The following DRC8 variants were observed in gnomAD, a reference collection of about 807,000 sequenced individuals.
The protein encoded by DRC8 is dynein regulatory complex protein 8.
At chr1:244,970,693 T>TCTCCCCTCG in the DRC8 span, 1 of 368,024 alleles carries the variant, frequency 2.7e-6, no homozygotes, top group Non-Finnish European at 4.4e-6. Flanking sequence ...CTCTCCCCTC[T>TCTCCCCTCG]TCCCTCCCTC....
At chr1:245,003,498 C>A in the DRC8 span, among the ~76,000 whole-genome samples, 1 of 152,224 alleles carries the variant, frequency 6.6e-6, no homozygotes, top group Admixed American at 6.5e-5. Context: ...GGCTCCAGGT[C>A]AGTGCTCTTA....
At chr1:245,111,539 T>G in the DRC8 span, among the ~76,000 whole-genome samples, 1 of 152,244 alleles carries the variant, frequency 6.6e-6, no homozygotes, top group Non-Finnish European at 1.5e-5. Context: ...AGATTTTGGC[T>G]TCTTTGTTTC....
the DRC8 span, among the ~76,000 whole-genome samples, chr1:245,069,674 A>G: frequency 6.6e-6 from 1 of 152,190 alleles, no homozygotes; most frequent in Non-Finnish European, 1.5e-5. Context: ...CAGTTTTGCA[A>G]GATGAAGACG....
the DRC8 span, among the ~76,000 whole-genome samples, chr1:244,976,857 T>G: frequency 6.6e-6 from 1 of 152,196 alleles, no homozygotes; most frequent in African/African-American, 2.4e-5. Context: ...CATAGCACAT[T>G]GTTCACAGTA....
chr1:245,021,633 G>A, the DRC8 span, among the ~76,000 whole-genome samples: 1 of 151,992 alleles, frequency 6.6e-6, no homozygotes, highest in African/African-American at 2.4e-5. Context: ...ACAGGGTCTT[G>A]CTATGTTGCC....
chr1:245,088,177 T>C, the DRC8 span, among the ~76,000 whole-genome samples: 6 of 152,312 alleles, frequency 3.9e-5, no homozygotes, highest in African/African-American at 1.4e-4. The surrounding 1 kb of genome is among the most constrained non-coding windows in gnomAD (Gnocchi z 4.6). Flanking sequence ...ATATATGGCA[T>C]GGCCACTGCC....
the DRC8 span, among the ~76,000 whole-genome samples, chr1:245,014,693 G>C: frequency 6.6e-6 from 1 of 152,148 alleles, no homozygotes; most frequent in East Asian, 1.9e-4. Context: ...AGAAGAGCAG[G>C]ATTGTTCAAA....
At chr1:244,992,189 A>T in the DRC8 span, among the ~76,000 whole-genome samples, 1 of 152,240 alleles carries the variant, frequency 6.6e-6, no homozygotes, top group Admixed American at 6.5e-5. Flanking sequence ...AAGTATGAGA[A>T]GACAGAAAGC....
chr1:245,093,278 G>T, the DRC8 span, among the ~76,000 whole-genome samples: 1 of 152,170 alleles, frequency 6.6e-6, no homozygotes, highest in South Asian at 2.1e-4. Context: ...GCCTTAAGAG[G>T]TTTCTTTTTT....
chr1:245,065,073 C>CTTTTTTTTTTTTTTTTTTTT, the DRC8 span, among the ~76,000 whole-genome samples: 82 of 81,592 alleles, frequency 1.0e-3, 2 homozygotes, highest in Non-Finnish European at 1.1e-3. Context: ...TAACATTCTT[C>CTTTTTTTTTTTTTTTTTTTT]TTTTTTTTTT....
chr1:244,969,872 A>G, the DRC8 span: 1 of 420,032 alleles, frequency 2.4e-6, no homozygotes, highest in East Asian at 4.2e-5. Context: ...TCCCGGCGGG[A>G]GGCGGGCTGC....
the DRC8 span, among the ~76,000 whole-genome samples, chr1:245,008,208 G>A: frequency 5.9e-5 from 9 of 151,982 alleles, no homozygotes; most frequent in Admixed American, 6.6e-5. Flanking sequence ...CCTGAGCATG[G>A]AAAATAATAT....
chr1:245,000,336 A>G, the DRC8 span, among the ~76,000 whole-genome samples: 1 of 152,212 alleles, frequency 6.6e-6, no homozygotes, highest in African/African-American at 2.4e-5. Context: ...GTGCAACTTA[A>G]AACTTAAGAA....
the DRC8 span, among the ~76,000 whole-genome samples, chr1:245,110,012 T>C: frequency 1.3e-5 from 2 of 152,208 alleles, no homozygotes; most frequent in Non-Finnish European, 2.9e-5. Context: ...AAACCATAAG[T>C]CCCTCCCATT....
the DRC8 span, among the ~76,000 whole-genome samples, chr1:244,986,716 G>T: frequency 6.7e-6 from 1 of 148,760 alleles, no homozygotes; most frequent in Non-Finnish European, 1.5e-5. Flanking sequence ...CTGCACTCCA[G>T]CCTGGGTAAC....
the DRC8 span, among the ~76,000 whole-genome samples, chr1:245,001,053 A>T: frequency 2.7e-3 from 404 of 152,242 alleles, 3 homozygotes; most frequent in African/African-American, 9.2e-3. Flanking sequence ...GGAGGTGGAG[A>T]TGGTTTGAAC....
chr1:245,076,538 G>T, the DRC8 span, among the ~76,000 whole-genome samples: 1 of 151,976 alleles, frequency 6.6e-6, no homozygotes, highest in East Asian at 1.9e-4. Flanking sequence ...AAGTCAAGTG[G>T]ATTTTCCCAA....
the DRC8 span, among the ~76,000 whole-genome samples, chr1:244,973,462 C>A: frequency 1.3e-5 from 2 of 152,182 alleles, no homozygotes; most frequent in Non-Finnish European, 2.9e-5. Flanking sequence ...GAATTCAGAA[C>A]ATTTGAATTA....
the DRC8 span, among the ~76,000 whole-genome samples, chr1:245,009,053 T>TG: frequency 8.0e-6 from 1 of 125,028 alleles, no homozygotes. Context: ...TTTTTTTTTT[T>TG]GAGACTGAGT....
Sources: allele counts gnomAD v4.1 joint callset (sites outside exome capture counted in the v4.1 genomes callset), GRCh38; gene constraint gnomAD v4.1.1; non-coding constraint Gnocchi (gnomAD v3.1); transcripts MANE v1.5; gene names NCBI Gene and HGNC (gene_info 2026-07-23, HGNC 2026-07-21).